Variants in CHSY3 observed in about 807,000 individuals in gnomAD.
CHSY3 encodes chondroitin sulfate synthase 3, also known as N-acetylgalactosaminyl-proteoglycan 3-beta-glucuronosyltransferase 3.
A neutral mutation model predicts 67.2 loss-of-function variants in CHSY3; 35 were observed. The ratio of observed to expected loss-of-function variants is 0.52; its 90% CI spans 0.40 to 0.69. The LOEUF (loss-of-function observed/expected upper bound fraction) is 0.69. Ranked by LOEUF, CHSY3 falls within the 30% of genes least tolerant of loss-of-function variation. CHSY3 has a pLI of 0.00. For synonymous variants in CHSY3, 474 were observed against 434.7 expected, an observed-to-expected ratio of 1.09 and a Z score of -1.12; for missense variants, 1,069 against 1,138.5, an observed-to-expected ratio of 0.94 and a Z score of 0.88.
intron 2 of CHSY3, among the ~76,000 whole-genome samples, chr5:130,042,821 C>T (rs955914518): frequency 6.6e-6 from 1 of 151,994 alleles, no homozygotes; most frequent in African/African-American, 2.4e-5. Context: ...GCAGTTTCTG[C>T]TTGTTATCCT....
intron 1 of CHSY3, chr5:129,905,967 C>T (rs953765643): frequency 1.2e-5 from 4 of 320,630 alleles, no homozygotes; most frequent in African/African-American, 8.4e-5. Flanking sequence ...GCCATTCCCA[C>T]TCTGCCCTCC....
At chr5:129,998,889 A>G (rs1175404295) in intron 2 of CHSY3, among the ~76,000 whole-genome samples, 1 of 151,978 alleles carries the variant, frequency 6.6e-6, no homozygotes, top group Non-Finnish European at 1.5e-5. Flanking sequence ...TAACTTTACC[A>G]TGTTTTTTAT....
At chr5:130,083,960 A>G (rs1206008864) in intron 2 of CHSY3, among the ~76,000 whole-genome samples, 1 of 151,852 alleles carries the variant, frequency 6.6e-6, no homozygotes, top group African/African-American at 2.4e-5. Flanking sequence ...TCCTCCAAAT[A>G]AGAAATATGC....
chr5:130,131,204 A>G (rs1205977007), intron 2 of CHSY3, among the ~76,000 whole-genome samples: 1 of 152,202 alleles, frequency 6.6e-6, no homozygotes, highest in Non-Finnish European at 1.5e-5. Flanking sequence ...GTCAAGTTGG[A>G]TACTACAGTG....
At chr5:130,158,283 G>T (rs1303250673) in intron 2 of CHSY3, among the ~76,000 whole-genome samples, 1 of 151,724 alleles carries the variant, frequency 6.6e-6, no homozygotes, top group Non-Finnish European at 1.5e-5. Flanking sequence ...AATCAAAGTT[G>T]TCTGGCTGGT....
intron 2 of CHSY3, among the ~76,000 whole-genome samples, chr5:130,171,693 A>T (rs1769896912): frequency 6.6e-6 from 1 of 151,858 alleles, no homozygotes; most frequent in South Asian, 2.1e-4. Context: ...TAAAATAGCT[A>T]AAAAAAATGA....
chr5:130,178,227 T>TTATATATATATA (rs1554088379), intron 2 of CHSY3, among the ~76,000 whole-genome samples: 23 of 65,814 alleles, frequency 3.5e-4, no homozygotes, highest in South Asian at 5.8e-4. Flanking sequence ...ATATTTATAT[T>TTATATATATATA]TATATATATA....
intron 2 of CHSY3, among the ~76,000 whole-genome samples, chr5:130,061,714 G>T (rs1446531760): frequency 6.6e-6 from 1 of 151,744 alleles, no homozygotes; most frequent in Non-Finnish European, 1.5e-5. Flanking sequence ...ACAGGAAAAA[G>T]ACAACCCCAC....
At chr5:130,077,361 T>C (rs914270008) in intron 2 of CHSY3, among the ~76,000 whole-genome samples, 1 of 152,130 alleles carries the variant, frequency 6.6e-6, no homozygotes, top group Non-Finnish European at 1.5e-5. Flanking sequence ...AGTACCTGGA[T>C]ACCATAACAT....
At chr5:129,937,493 C>G (rs1454150198) in intron 2 of CHSY3, among the ~76,000 whole-genome samples, 1 of 152,104 alleles carries the variant, frequency 6.6e-6, no homozygotes, top group East Asian at 1.9e-4. Flanking sequence ...TGGACCCTCC[C>G]AAGTCTCATG....
intron 2 of CHSY3, among the ~76,000 whole-genome samples, chr5:129,921,802 A>G (rs1194620079): frequency 6.6e-6 from 1 of 151,574 alleles, no homozygotes; most frequent in Admixed American, 6.6e-5. Flanking sequence ...GGTAATTGGG[A>G]TATCTGTCAT....
chr5:130,156,276 G>T (rs1769373464), intron 2 of CHSY3, among the ~76,000 whole-genome samples: 1 of 152,174 alleles, frequency 6.6e-6, no homozygotes, highest in Non-Finnish European at 1.5e-5. Flanking sequence ...GAGGAGTATG[G>T]ATTTTGAGCA....
In CHSY3 at chr5:130,185,598, T is replaced by C; in HGVS notation, c.2456T>C (p.Leu819Ser). The part of the protein sequence containing the change: ...DLYNKVILSG[L>S]RPFRSQEVGV... The stretch of plus-strand genomic sequence containing the variant: ...TACAATAAAGTCATTCTATCTGGCT[T>C]AAGGCCATTCAGAAGCCAAGAAGTA... The change falls in exon 3 of 3, where the codon TTA becomes TCA. Residue 819 changes from leucine (L) to serine (S), a missense_variant. By Grantham distance (145) the Leu-to-Ser change is moderately radical. Around this residue, in one of 5 missense-constraint regions of CHSY3, gnomAD observed 139 missense variants for 152.8 expected, o/e 0.91. Coordinates refer to ENST00000305031, the MANE Select transcript of CHSY3 (RefSeq NM_175856.5). The C allele has an allele frequency of 6.2e-7, 1 of 1,614,138 alleles. No individual in the cohort carries two copies.
intron 2 of CHSY3, among the ~76,000 whole-genome samples, chr5:130,162,841 G>C (rs546721666): frequency 6.6e-6 from 1 of 152,302 alleles, no homozygotes; most frequent in African/African-American, 2.4e-5. Flanking sequence ...ACTGTGGCTG[G>C]CACAATGCAA....
intron 2 of CHSY3, among the ~76,000 whole-genome samples, chr5:130,004,195 A>T (rs767820049): frequency 6.6e-6 from 1 of 152,272 alleles, no homozygotes; most frequent in African/African-American, 2.4e-5. Flanking sequence ...GTTGTTTCTC[A>T]TTTGTTTTTG....
chr5:130,074,307 G>A (rs371081295), intron 2 of CHSY3, among the ~76,000 whole-genome samples: 2 of 151,970 alleles, frequency 1.3e-5, no homozygotes, highest in Admixed American at 6.6e-5. Context: ...CCAGCCTCAA[G>A]TGATCCACCC....
intron 2 of CHSY3, among the ~76,000 whole-genome samples, chr5:130,009,100 G>T (rs1763970576): frequency 6.6e-6 from 1 of 152,122 alleles, no homozygotes; most frequent in African/African-American, 2.4e-5. Context: ...TTCAAATTCA[G>T]TAAATTCAGA....
chr5:129,918,212 A>C (rs1023721575), intron 2 of CHSY3, among the ~76,000 whole-genome samples: 1 of 152,180 alleles, frequency 6.6e-6, no homozygotes, highest in Admixed American at 6.5e-5. Flanking sequence ...TCCAAGGTGG[A>C]TTTTAAAACA....
chr5:130,173,339 T>TA lies in CHSY3; in HGVS notation c.1087-10881dup, dbSNP rs564535338. Among the ~76,000 whole-genome samples the TA allele has an allele frequency of 2.1e-3, 312 of 151,398 alleles. 2 individuals carry two copies. The highest frequency in any genetic ancestry group is 6.9e-3 in the Middle Eastern group (2 of 290). The stretch of plus-strand genomic sequence containing the variant: ...ATAATTATCAATTCACATACAGTTG[T>TA]AAAAAAAAATACCCAGAGATTCCAT... On this transcript the variant is annotated intron_variant, in intron 2 of 2. Coordinates refer to ENST00000305031, the MANE Select transcript of CHSY3 (RefSeq NM_175856.5).
Sources: allele counts gnomAD v4.1 joint callset (sites outside exome capture counted in the v4.1 genomes callset), GRCh38; gene constraint gnomAD v4.1.1; regional missense constraint gnomAD v4.1.1; transcripts MANE v1.5; gene names NCBI Gene and HGNC (gene_info 2026-07-23, HGNC 2026-07-21).